RPL19: variants seen among roughly 807,000 people sequenced by gnomAD.
RPL19 encodes ribosomal protein L19.
In RPL19, 2 loss-of-function variants were observed where a neutral mutation model predicts 25.1. That is an observed-to-expected ratio of 0.08 (90% CI 0.03 to 0.25). The LOEUF (loss-of-function observed/expected upper bound fraction) is 0.25, where lower values mean the gene tolerates loss of function less well. RPL19 is among the 10% of genes least tolerant of loss of function. RPL19 has a pLI of 1.00. For synonymous variants in RPL19, 89 were observed against 91.2 expected (o/e 0.98, Z 0.14); for missense variants, 123 against 271.8 (o/e 0.45, Z 3.85).
rs775899523 is a variant in RPL19, at chr17:39,201,304, G to C, written c.97G>C (p.Ala33Pro). 1 of 1,606,118 alleles carries C rather than the reference G, an allele frequency of 6.2e-7. No homozygotes were observed. The highest frequency in any genetic ancestry group is 1.7e-5 in the Admixed American group (1 of 59,908). The change falls in exon 2 of 6, where the codon GCC becomes CCC. Residue 33 changes from alanine to proline, a missense_variant. By Grantham distance (27) the Ala-to-Pro change is conservative (BLOSUM62 -1). Transcript: ENST00000225430. ...AGACCCCAATGAGACCAATGAAATC[G>C]CCAATGCCAACTCCCGTGAGTACCT... ...WLDPNETNEI[A>P]NANSRQQIRK...
At chr17:39,203,952 T>C in intron 4 of RPL19, 125 bp from the exon 5 acceptor site, 1 of 621,230 alleles carries the variant, frequency 1.6e-6, no homozygotes. Flanking sequence ...TAGGAAGTAA[T>C]TCATGCAGCA....
chr17:39,203,051 A>G lies in RPL19; in HGVS notation c.298A>G (p.Arg100Gly). The change falls in exon 4 of 6, where the codon AGG (arginine) becomes GGG (glycine). Residue 100 changes from arginine (R) to glycine (G), a missense_variant. Physicochemically the swap from Arg to Gly is moderately radical, Grantham distance 125. Transcript: ENST00000225430. ...GAAGGTCACATGGATGAGGAGAATG[A>G]GGATTTTGCGCCGGCTGCTCAGAAG... ...PEKVTWMRRM[R>G]ILRRLLRRYR... 4 of 1,613,836 alleles carry G rather than the reference A, an allele frequency of 2.5e-6. No individual in the cohort carries two copies. The highest frequency in any genetic ancestry group is 3.4e-6 in the Non-Finnish European group (4 of 1,179,888).
chr17:39,200,736 C>T (rs966397460), intron 1 of RPL19: 9 of 1,056,918 alleles, frequency 8.5e-6, no homozygotes, highest in Middle Eastern at 4.4e-4. Context: ...CTCCGACTGC[C>T]GAGAGAGGTG....
chr17:39,203,628 C>T (rs576725887), intron 4 of RPL19, among the ~76,000 whole-genome samples: 21 of 152,056 alleles, frequency 1.4e-4, no homozygotes, highest in South Asian at 2.1e-4. Context: ...CCTGCCTCAC[C>T]GTCTCAAGTA....
At chr17:39,204,225 G>T in intron 5 of RPL19, 38 bp downstream of exon 5, 1 of 1,275,306 alleles carries the variant, frequency 7.8e-7, no homozygotes, top group South Asian at 1.2e-5. Context: ...AACATTCTTA[G>T]ACCTTTGAGA....
chr17:39,200,321 C>A lies in RPL19; in HGVS notation c.-24C>A, dbSNP rs374608660. 1.3e-6 allele frequency: 2 copies of A among 1,550,852 alleles called. No individual in the cohort carries two copies. Among genetic ancestry groups the A allele is most frequent in the African/African-American group, 2.7e-5 (2 of 73,110 alleles). ...GGAGCCGGGCCCGAGCGAGCTCTTT[C>A]CTTTCGCTGCTGCGGCCGCAGCCAT... On this transcript the variant is annotated 5_prime_UTR_variant, in exon 1 of 6. Coordinates refer to ENST00000225430, the MANE Select transcript of RPL19 (RefSeq NM_000981.4).
intron 3 of RPL19, 154 bp from the exon 4 acceptor site, chr17:39,202,835 G>T: frequency 2.5e-6 from 2 of 801,992 alleles, no homozygotes; most frequent in South Asian, 1.8e-5. Flanking sequence ...TACGTAGTTG[G>T]GATCATCATC....
intron 3 of RPL19, chr17:39,202,711 C>A (rs559928815): frequency 1.9e-5 from 11 of 593,352 alleles, no homozygotes; most frequent in South Asian, 4.1e-5. Flanking sequence ...AAGCTCCTTA[C>A]AACGTGCTGT....
At chr17:39,200,371 T>A (rs1279559710) in intron 1 of RPL19, 22 bp downstream of exon 1, 3 of 1,561,994 alleles carry the variant, frequency 1.9e-6, no homozygotes, top group Middle Eastern at 2.2e-4. Flanking sequence ...CTGGTCTCCA[T>A]CAGGCGCTGA....
Position 39,202,329 on chromosome 17 carries a change from G to A in RPL19, c.125G>A (p.Arg42Gln), listed in dbSNP as rs767499480. The A allele has an allele frequency of 4.3e-6, 7 of 1,613,856 alleles. No individual in the cohort carries two copies. The highest frequency in any genetic ancestry group is 5.9e-6 in the Non-Finnish European group (7 of 1,179,946). The change falls in exon 3 of 6, where the codon CGG (arginine) becomes CAG (glutamine). Residue 42 changes from arginine to glutamine, a missense_variant. Physicochemically the swap from Arg to Gln is conservative, Grantham distance 43. Coordinates refer to ENST00000225430, the MANE Select transcript of RPL19 (RefSeq NM_000981.4). The part of the protein sequence containing the change: ...IANANSRQQI[R>Q]KLIKDGLIIR... ...TATGCTTTCCCAGGTCAGCAGATCC[G>A]GAAGCTCATCAAAGATGGGCTGATC...
At chr17:39,202,021 G>C (rs1421881765) in intron 2 of RPL19, among the ~76,000 whole-genome samples, 3 of 152,194 alleles carry the variant, frequency 2.0e-5, no homozygotes, top group Non-Finnish European at 2.9e-5. Context: ...TTTAATCCCA[G>C]CTACTTGGTA....
chr17:39,203,130 C>G (rs752499778), intron 4 of RPL19, 21 bp downstream of exon 4: 1 of 1,608,188 alleles, frequency 6.2e-7, no homozygotes, highest in Admixed American at 1.7e-5. Context: ...CCTCTTGGGC[C>G]CAGTACCCAT....
chr17:39,200,431 G>A (rs878861224), intron 1 of RPL19, 82 bp downstream of exon 1: 6 of 1,406,304 alleles, frequency 4.3e-6, no homozygotes, highest in Non-Finnish European at 5.6e-6. Context: ...TGGGGTTGGG[G>A]GAGATGAAAT....
In RPL19 at chr17:39,201,205, G is replaced by GT. The variant is rs765823588; in HGVS notation, c.6-7dup. 87 of 1,587,976 alleles carry GT rather than the reference G, an allele frequency of 5.5e-5. No homozygotes were observed. The highest frequency in any genetic ancestry group is 6.5e-5 in the Non-Finnish European group (75 of 1,161,476). On this transcript the variant is annotated splice_region_variant and splice_polypyrimidine_tract_variant and intron_variant, in intron 1 of 5. Coordinates refer to ENST00000225430, the MANE Select transcript of RPL19 (RefSeq NM_000981.4). ...TTCAGAGTCTAATCATGTTTTCTGT[G>GT]TGTCTAGTATGCTCAGGCTTCAGAA...
At chr17:39,200,902 C>A (rs551341901) in intron 1 of RPL19, among the ~76,000 whole-genome samples, 1 of 152,314 alleles carries the variant, frequency 6.6e-6, no homozygotes, top group African/African-American at 2.4e-5. Flanking sequence ...CAGGTCTACT[C>A]ACCTCGAATA....
chr17:39,202,652 T>G, intron 3 of RPL19: 1 of 623,506 alleles, frequency 1.6e-6, no homozygotes, highest in Non-Finnish European at 2.8e-6. Context: ...AGTCCCTACC[T>G]ACACTATGCC....
Position 39,203,118 on chromosome 17 carries a change from A to AC in RPL19, c.356+12dup. 1.3e-6 allele frequency: 2 copies of AC among 1,596,918 alleles called. No homozygotes were observed. Among genetic ancestry groups the AC allele is most frequent in the Non-Finnish European group, 1.7e-6 (2 of 1,174,064 alleles). ...AAGATCGATCGCCACATGTAAGCAC[A>AC]CCCTCTTGGGCCCAGTACCCATTTG... is the stretch of plus-strand genomic sequence containing the variant. On this transcript the variant is annotated intron_variant, in intron 4 of 5. Transcript: ENST00000225430.
At position 39,204,677 on chromosome 17, in the gene RPL19, CCT is replaced by C; in HGVS notation, c.*32_*33del. 1 of 1,603,410 alleles carries C rather than the reference CCT, an allele frequency of 6.2e-7. No individual in the cohort carries two copies. The highest frequency in any genetic ancestry group is 8.5e-7 in the Non-Finnish European group (1 of 1,172,980). ...CTCCCACTTTGTCTGTACATACTGG[CCT>C]CTGTGATTACATAGATCAGCCATTA... On this transcript the variant is annotated 3_prime_UTR_variant, in exon 6 of 6. Coordinates refer to ENST00000225430, the MANE Select transcript of RPL19 (RefSeq NM_000981.4).
chr17:39,204,436 C>T, intron 5 of RPL19, 89 bp from the exon 6 acceptor site: 1 of 1,506,194 alleles, frequency 6.6e-7, no homozygotes, highest in South Asian at 1.2e-5. Context: ...GCTGACTAGG[C>T]TCAAAGGGAG....
Sources: allele counts gnomAD v4.1 joint callset (sites outside exome capture counted in the v4.1 genomes callset), GRCh38; gene constraint gnomAD v4.1.1; transcripts MANE v1.5; gene names NCBI Gene and HGNC (gene_info 2026-07-23, HGNC 2026-07-21).